Variants in GNG7 observed in about 807,000 individuals in gnomAD.
The protein encoded by GNG7 is guanine nucleotide-binding protein G(I)/G(S)/G(O) subunit gamma-7.
A neutral mutation model predicts 4.0 loss-of-function variants in GNG7; 1 was observed. That is an observed-to-expected ratio of 0.25 (90% confidence interval 0.09 to 1.18). The LOEUF (loss-of-function observed/expected upper bound fraction) is 1.18. Ranked by LOEUF, GNG7 falls within the 50% of genes most tolerant of loss-of-function variation. The probability of loss-of-function intolerance (pLI) is 0.50; values close to 1 mark genes in which losing one functional copy is unlikely to be tolerated. For missense variants in GNG7, 86 were observed against 91.9 expected, an observed-to-expected ratio of 0.94 and a Z score of 0.26; for synonymous variants, 34 against 36.9, an observed-to-expected ratio of 0.92 and a Z score of 0.29.
chr19:2,571,348 T>C (rs1461223335), intron 2 of GNG7, among the ~76,000 whole-genome samples: 1 of 152,186 alleles, frequency 6.6e-6, no homozygotes, highest in Non-Finnish European at 1.5e-5. Context: ...ACGAATTTAT[T>C]GCAAAGACCT....
chr19:2,547,759 C>T (rs1979176293), intron 3 of GNG7, among the ~76,000 whole-genome samples: 2 of 152,210 alleles, frequency 1.3e-5, no homozygotes, highest in South Asian at 4.1e-4. Context: ...GGTGTTACTT[C>T]CTGGAACCCA....
intron 3 of GNG7, among the ~76,000 whole-genome samples, chr19:2,521,292 G>C (rs1348132820): frequency 6.6e-6 from 1 of 151,962 alleles, no homozygotes; most frequent in Non-Finnish European, 1.5e-5. Context: ...AAAAAATAAA[G>C]AAAGGGCAAA....
At chr19:2,597,713 G>A (rs1380792183) in intron 2 of GNG7, among the ~76,000 whole-genome samples, 4 of 150,940 alleles carry the variant, frequency 2.7e-5, no homozygotes, top group African/African-American at 4.9e-5. Context: ...TGGCTAACAC[G>A]GTGAAACCCC....
chr19:2,673,269 AAAACAAAAC>A (rs1568281148), intron 1 of GNG7, among the ~76,000 whole-genome samples: 6 of 100,588 alleles, frequency 6.0e-5, no homozygotes, highest in African/African-American at 3.3e-4. Context: ...AAAAAAAAAC[AAAACAAAAC>A]AAAACAAAAC....
chr19:2,529,663 C>T (rs537725885), intron 3 of GNG7, among the ~76,000 whole-genome samples: 37 of 152,280 alleles, frequency 2.4e-4, no homozygotes, highest in Admixed American at 2.2e-3. Flanking sequence ...AGATCATTTC[C>T]GTGTCATTTA....
chr19:2,533,140 C>A (rs781035628), intron 3 of GNG7, among the ~76,000 whole-genome samples: 1 of 150,856 alleles, frequency 6.6e-6, no homozygotes, highest in South Asian at 2.1e-4. Context: ...GATCAAGCAA[C>A]GTGTATGATT....
chr19:2,573,534 G>A (rs1980215725), intron 2 of GNG7, among the ~76,000 whole-genome samples: 1 of 152,022 alleles, frequency 6.6e-6, no homozygotes, highest in South Asian at 2.1e-4. Context: ...AGTGGGATTG[G>A]GGCTGGGGGT....
intron 3 of GNG7, among the ~76,000 whole-genome samples, chr19:2,522,479 AGAAGGAAAGGACTG>A (rs71337141): frequency 0.32 from 48,570 of 151,734 alleles, 7,756 homozygotes; most frequent in South Asian, 0.39. Context: ...CTTAGTGATA[AGAAGGAAAGGACTG>A]GCCGGGCGCG....
chr19:2,681,781 G>A (rs1983742836), intron 1 of GNG7, among the ~76,000 whole-genome samples: 1 of 152,128 alleles, frequency 6.6e-6, no homozygotes, highest in Non-Finnish European at 1.5e-5. Context: ...CCTTGTGATT[G>A]TTTGTTGTTT....
At chr19:2,593,613 G>A (rs1045327650) in intron 2 of GNG7, among the ~76,000 whole-genome samples, 4 of 151,818 alleles carry the variant, frequency 2.6e-5, no homozygotes, top group South Asian at 2.1e-4. Context: ...GCATGGGGGC[G>A]GCTGCCTGTA....
chr19:2,686,161 T>A (rs77179802), intron 1 of GNG7, among the ~76,000 whole-genome samples: 90 of 76,580 alleles, frequency 1.2e-3, no homozygotes, highest in African/African-American at 4.1e-3. Flanking sequence ...TGTCTCAGCA[T>A]TTTTTTTTTT....
chr19:2,595,755 T>C (rs1980999735), intron 2 of GNG7, among the ~76,000 whole-genome samples: 1 of 150,588 alleles, frequency 6.6e-6, no homozygotes, highest in Non-Finnish European at 1.5e-5. Flanking sequence ...AAAAAGAAAT[T>C]AAATTTAAAA....
At chr19:2,665,386 T>A (rs1296229904) in intron 1 of GNG7, among the ~76,000 whole-genome samples, 1 of 145,504 alleles carries the variant, frequency 6.9e-6, no homozygotes, top group Non-Finnish European at 1.5e-5. Flanking sequence ...AGGATCACCC[T>A]GCCGTGCTGG....
intron 2 of GNG7, chr19:2,643,673 G>T (rs537463572): frequency 2.2e-5 from 10 of 456,038 alleles, no homozygotes; most frequent in South Asian, 1.1e-4. Flanking sequence ...CTCCTTTTTC[G>T]GGCTGAGCTT....
chr19:2,556,606 C>T (rs1331407931), intron 2 of GNG7, among the ~76,000 whole-genome samples: 1 of 152,184 alleles, frequency 6.6e-6, no homozygotes, highest in Non-Finnish European at 1.5e-5. Context: ...CGCCCCGGGG[C>T]TGCATTGGAG....
chr19:2,623,867 C>G (rs569598652), intron 2 of GNG7, among the ~76,000 whole-genome samples: 1 of 152,004 alleles, frequency 6.6e-6, no homozygotes, highest in Admixed American at 6.6e-5. Context: ...GGCCACAGAG[C>G]GAGACTGCAT....
In GNG7 at chr19:2,554,559, A is replaced by ATTT. The variant is rs34740203; in HGVS notation, c.-38+587_-38+589dup. Among the ~76,000 whole-genome samples, 512 of 130,134 alleles carry ATTT rather than the reference A, an allele frequency of 3.9e-3. 7 individuals are homozygous for ATTT. Among genetic ancestry groups the ATTT allele is most frequent in the African/African-American group, 0.014 (490 of 35,728 alleles). 85.4% of individuals were successfully genotyped at this position (130,134 alleles called of 152,430 possible). ...ATATATATGCTATATATATATATAT[A>ATTT]TTTTTTTTTTTTTGAGACAGAGTCT... On this transcript the variant is annotated intron_variant, in intron 3 of 4. Transcript: ENST00000382159.
chr19:2,579,051 T>C (rs992835287), intron 2 of GNG7, among the ~76,000 whole-genome samples: 1 of 152,026 alleles, frequency 6.6e-6, no homozygotes, highest in Non-Finnish European at 1.5e-5. Flanking sequence ...CGAAAAAACA[T>C]CCCAAGAATG....
rs1466356482 is a variant in GNG7 at position 2,617,744 on chromosome 19, G to C, written c.-78+28480C>G. 2.0e-5 allele frequency among the ~76,000 whole-genome samples: 3 copies of C among 150,820 alleles called. No individual in the cohort carries two copies. The highest frequency in any genetic ancestry group is 4.2e-4 in the South Asian group (2 of 4,790). On this transcript the variant is annotated intron_variant, in intron 2 of 4. Transcript: ENST00000382159. This position sits in a 1 kb window ranked among gnomAD's most constrained non-coding sequence, Gnocchi z 4.7. The stretch of plus-strand genomic sequence containing the variant: ...TTTATTTTTTTTTTTTTTGAGATAG[G>C]GTCTTGCTCTGTTGCCCAGGCTGGA...
Sources: allele counts gnomAD v4.1 joint callset (sites outside exome capture counted in the v4.1 genomes callset), GRCh38; gene constraint gnomAD v4.1.1; non-coding constraint Gnocchi (gnomAD v3.1); transcripts MANE v1.5; gene names NCBI Gene and HGNC (gene_info 2026-07-23, HGNC 2026-07-21).